DDX27: variants seen among roughly 807,000 people sequenced by gnomAD.
DDX27 encodes the protein probable ATP-dependent RNA helicase DDX27.
In DDX27, 42 loss-of-function variants were observed where a neutral mutation model predicts 99.3. The ratio of observed to expected loss-of-function variants is 0.42; its 90% CI spans 0.33 to 0.55. DDX27 has a LOEUF of 0.55. DDX27 is among the 20% of genes least tolerant of loss of function. The probability of loss-of-function intolerance (pLI) is 0.07; values close to 1 mark genes in which losing one functional copy is unlikely to be tolerated. For synonymous variants in DDX27, 329 were observed against 353.8 expected (o/e 0.93, Z 0.79); for missense variants, 798 against 976.8 (o/e 0.82, Z 2.44).
intron 14 of DDX27, chr20:49,237,997 A>G (rs1980358663): frequency 6.6e-6 from 1 of 152,214 alleles, no homozygotes; most frequent in Non-Finnish European, 1.5e-5. Context: ...GTTACACAGT[A>G]TTAGTAGTCA....
chr20:49,224,418 A>G (rs1318405039), intron 4 of DDX27, among the ~76,000 whole-genome samples: 1 of 149,840 alleles, frequency 6.7e-6, no homozygotes, highest in Non-Finnish European at 1.5e-5. Flanking sequence ...CTGGAGTGCA[A>G]GTGGTACAAT....
In DDX27 at chr20:49,223,440, G is replaced by T; in HGVS notation, c.466+7G>T. On this transcript the variant is annotated splice_region_variant and intron_variant, in intron 4 of 20. Transcript: ENST00000618172. The stretch of plus-strand genomic sequence containing the variant: ...AACATCCTCACCAAAGCAGGTAGAC[G>T]TTACGGCGGAGGTGTCAGTAATGGG... 6.2e-7 allele frequency: 1 copy of T among 1,603,798 alleles called. No individual in the cohort carries two copies. Among genetic ancestry groups the T allele is most frequent in the South Asian group, 1.1e-5 (1 of 89,040 alleles).
In DDX27 at chr20:49,242,645, A is replaced by G. The variant is rs771267139; in HGVS notation, c.2168A>G (p.Asn723Ser). Reference protein sequence around the residue: ...KKSVFDEELTNTSKKALKQYR... With the variant: ...KKSVFDEELTSTSKKALKQYR... Reference sequence around the variant, plus strand: ...TCTGTATTTGATGAAGAACTCACCAACACAAGCAAGAAGGCCCTGAAACAG... The same window carrying G: ...TCTGTATTTGATGAAGAACTCACCAGCACAAGCAAGAAGGCCCTGAAACAG... Residue 723 changes from asparagine (N) to serine (S), a missense_variant, in exon 19 of 21, where the codon AAC becomes AGC. Physicochemically the swap from Asn to Ser is conservative, Grantham distance 46. Coordinates refer to ENST00000618172, the MANE Select transcript of DDX27 (RefSeq NM_017895.8). 3 of 1,614,206 alleles carry G rather than the reference A, an allele frequency of 1.9e-6. No individual in the cohort carries two copies. The East Asian group carries it at 6.7e-5, about 36-fold the overall frequency.
Position 49,236,260 on chromosome 20 carries a change from T to C in DDX27, c.1509+29T>C. On this transcript the variant is annotated intron_variant, in intron 13 of 20. Transcript: ENST00000618172. This position sits in a 1 kb window ranked among gnomAD's most constrained non-coding sequence, Gnocchi z 4.1. ...AGCAGACACTATCTTCCTTGGACTT[T>C]TGGTGGAAGTCTTTTTGCCTCTTCG... 1.9e-6 allele frequency: 3 copies of C among 1,580,724 alleles called. No homozygotes were observed. Among genetic ancestry groups the C allele is most frequent in the African/African-American group, 2.7e-5 (2 of 73,878 alleles).
intron 6 of DDX27, among the ~76,000 whole-genome samples, chr20:49,225,997 T>C (rs2146708631): frequency 6.6e-6 from 1 of 152,222 alleles, no homozygotes; most frequent in East Asian, 1.9e-4. Flanking sequence ...CACTTTCTGT[T>C]CCCTCTGCCT....
At chr20:49,232,202 A>T (rs1376301199) in intron 9 of DDX27, among the ~76,000 whole-genome samples, 1 of 151,908 alleles carries the variant, frequency 6.6e-6, no homozygotes, top group African/African-American at 2.4e-5. Flanking sequence ...TCATTTTTGT[A>T]TTTTTTGTGG....
chr20:49,220,082 A>G (rs1194070223), intron 1 of DDX27, among the ~76,000 whole-genome samples: 1 of 152,122 alleles, frequency 6.6e-6, no homozygotes, highest in Admixed American at 6.6e-5. Flanking sequence ...TTGCCCTTCA[A>G]ACATTCAGCC....
intron 6 of DDX27, 150 bp downstream of exon 6, chr20:49,225,349 C>A: frequency 1.5e-6 from 1 of 679,274 alleles, no homozygotes; most frequent in Non-Finnish European, 2.6e-6. Context: ...CCAGTAGTGG[C>A]TTATTTTGGC....
rs201294114 is a variant in DDX27, at chr20:49,239,268, G to T, written c.1827G>T (p.Gly609=). 6.2e-7 allele frequency: 1 copy of T among 1,614,018 alleles called. No homozygotes were observed. Among genetic ancestry groups the T allele is most frequent in the Non-Finnish European group, 8.5e-7 (1 of 1,180,028 alleles). The change falls in exon 16 of 21, where the codon GGG becomes GGT. Residue 609 remains glycine (G), a synonymous_variant. Transcript: ENST00000618172. ...INTAKRLLEK[G]KEAVVQEPER... ...CAGCAAAGCGGCTCCTGGAGAAGGG[G>T]AAGGAGGCAGTGGTCCAAGAGCCCG...
In DDX27 at chr20:49,223,254, A is replaced by C; in HGVS notation, c.301-14A>C. 1 of 1,601,086 alleles carries C rather than the reference A, an allele frequency of 6.2e-7. No individual in the cohort carries two copies. The highest frequency in any genetic ancestry group is 8.5e-7 in the Non-Finnish European group (1 of 1,176,550). ...AGAAGTTTCTCATCACCCTCACTTT[A>C]ATTTTTTTCCCAGGATAAAGAAGCC... is the stretch of plus-strand genomic sequence containing the variant. On this transcript the variant is annotated splice_polypyrimidine_tract_variant and intron_variant, in intron 3 of 20. Transcript: ENST00000618172.
chr20:49,234,003 C>A, intron 11 of DDX27: 1 of 334,554 alleles, frequency 3.0e-6, no homozygotes, highest in South Asian at 7.1e-5. Flanking sequence ...TGGATCGTTG[C>A]GCAGCCTCTT....
Position 49,234,837 on chromosome 20 carries a change from G to A in DDX27, c.1274-98G>A, listed in dbSNP as rs1037492599. The A allele has an allele frequency of 2.9e-6, 4 of 1,388,840 alleles. No homozygotes were observed. In the African/African-American group the frequency reaches 4.3e-5, roughly 15 times the overall value. The allele number at this position is 1,388,840 out of a possible 1,614,324, so 86.0% of individuals were successfully genotyped here. ...GACAGGGACAGTGCCTGTCTATCCA[G>A]TGCCAGGCACAGTGACCATACTTTG... On this transcript the variant is annotated intron_variant, in intron 11 of 20. Coordinates refer to ENST00000618172, the MANE Select transcript of DDX27 (RefSeq NM_017895.8).
rs1980327670 is a variant in DDX27 at position 49,236,911 on chromosome 20, TTTTTG to T, written c.1687+414_1687+418del. ...TAAAGCACATCCTCTTTAAAGTCTT[TTTTTG>T]TTTTGTTTTGTTCTTGAATTCCTAG... On this transcript the variant is annotated intron_variant, in intron 14 of 20. Transcript: ENST00000618172. This position sits in a 1 kb window ranked among gnomAD's most constrained non-coding sequence, Gnocchi z 4.1. Among the ~76,000 whole-genome samples the T allele has an allele frequency of 6.6e-6, 1 of 152,192 alleles. No individual in the cohort carries two copies.
chr20:49,223,571 T>TA, intron 4 of DDX27, 138 bp downstream of exon 4: 16 of 720,626 alleles, frequency 2.2e-5, no homozygotes, highest in South Asian at 5.9e-5. Flanking sequence ...CTCCTTTCTT[T>TA]CTTTTTTTTT....
At chr20:49,235,422 T>C (rs955456487) in intron 12 of DDX27, 1 of 218,854 alleles carries the variant, frequency 4.6e-6, no homozygotes, top group Non-Finnish European at 8.9e-6. Flanking sequence ...CTGGGTCTGA[T>C]TGAACAAGAT....
chr20:49,219,950 C>G (rs1374911472), intron 1 of DDX27, among the ~76,000 whole-genome samples: 1 of 152,092 alleles, frequency 6.6e-6, no homozygotes, highest in Non-Finnish European at 1.5e-5. Context: ...TAGTGTTAAG[C>G]GTTGGGGGCG....
At position 49,236,263 on chromosome 20, in the gene DDX27, G is replaced by A. The variant is rs776484066; in HGVS notation, c.1509+32G>A. 1.3e-6 allele frequency: 2 copies of A among 1,579,548 alleles called. No individual in the cohort carries two copies. The highest frequency in any genetic ancestry group is 1.2e-5 in the South Asian group (1 of 86,362). On this transcript the variant is annotated intron_variant, in intron 13 of 20. Transcript: ENST00000618172. The surrounding 1 kb of genome is among the most constrained non-coding windows in gnomAD (Gnocchi z 4.1). ...AGACACTATCTTCCTTGGACTTTTG[G>A]TGGAAGTCTTTTTGCCTCTTCGCAC... is the stretch of plus-strand genomic sequence containing the variant.
Position 49,225,163 on chromosome 20 carries a change from G to GT in DDX27, c.566dup (p.Gln190ProfsTer48), listed in dbSNP as rs1363149615. 6.2e-7 allele frequency: 1 copy of GT among 1,614,084 alleles called. No individual in the cohort carries two copies. Among genetic ancestry groups the GT allele is most frequent in the South Asian group, 1.1e-5 (1 of 91,078 alleles). The stretch of plus-strand genomic sequence containing the variant: ...CATCTCAGTACGATGAAAACCTCTC[G>GT]TTCCAGGACATGAACCTTTCCCGCC... On this transcript the variant is annotated frameshift_variant, in exon 6 of 21. Transcript: ENST00000618172. LOFTEE classifies it high-confidence loss of function.
In DDX27 at chr20:49,239,008, C is replaced by A; in HGVS notation, c.1747C>A (p.Leu583Met). 1 of 1,614,122 alleles carries A rather than the reference C, an allele frequency of 6.2e-7. No individual in the cohort carries two copies. Residue 583 changes from leucine (L) to methionine (M), a missense_variant, in exon 15 of 21, where the codon CTG becomes ATG. Physicochemically the swap from Leu to Met is conservative, Grantham distance 15 (BLOSUM62 2). Coordinates refer to ENST00000618172, the MANE Select transcript of DDX27 (RefSeq NM_017895.8). ...EKMEKDVYAV[L>M]QLEAEEKEMQ... ...AATGGAGAAAGATGTGTATGCAGTTCTGCAGCTAGAGGCGGAGGAAAAAGA... is the reference window on the plus strand; with the variant it reads ...AATGGAGAAAGATGTGTATGCAGTTATGCAGCTAGAGGCGGAGGAAAAAGA...
Sources: gnomAD v4.1 joint callset for allele counts (sites outside exome capture counted in the v4.1 genomes callset) on GRCh38, gnomAD v4.1.1 for gene constraint, Gnocchi (gnomAD v3.1) non-coding constraint, MANE v1.5 for transcripts, NCBI Gene and HGNC (gene_info 2026-07-23, HGNC 2026-07-21) for gene names.